Variants in SHTN1 observed in about 807,000 individuals in gnomAD.
SHTN1 encodes the protein shootin 1, also known as shootin-1.
In SHTN1, 42 loss-of-function variants were observed where a neutral mutation model predicts 83.1. The ratio of observed to expected loss-of-function variants is 0.51; its 90% confidence interval spans 0.39 to 0.65. SHTN1 has a LOEUF of 0.65. Ranked by LOEUF, SHTN1 falls within the 30% of genes least tolerant of loss-of-function variation. SHTN1 has a pLI of 0.00. For missense variants in SHTN1, 622 were observed against 737.8 expected (o/e 0.84, Z 1.82); for synonymous variants, 224 against 247.7 (o/e 0.90, Z 0.90).
intron 2 of SHTN1, among the ~76,000 whole-genome samples, chr10:117,011,435 A>G (rs1852101372): frequency 6.6e-6 from 1 of 152,144 alleles, no homozygotes; most frequent in South Asian, 2.1e-4. Flanking sequence ...GGGGCTCTCT[A>G]TTTTATTCTA....
chr10:116,952,036 A>G (rs1306039178), intron 5 of SHTN1, 30 bp from the exon 6 acceptor site: 3 of 1,144,026 alleles, frequency 2.6e-6, no homozygotes, highest in African/African-American at 1.6e-5. Context: ...AAATATATAA[A>G]TAAACTTATT....
At chr10:117,031,543 A>G (rs1263870639) in intron 2 of SHTN1, among the ~76,000 whole-genome samples, 4 of 152,162 alleles carry the variant, frequency 2.6e-5, no homozygotes, top group Admixed American at 6.6e-5. Context: ...AATAACTACA[A>G]ATTTTTAAGA....
intron 1 of SHTN1, among the ~76,000 whole-genome samples, chr10:116,990,354 CTTG>C (rs918887509): frequency 1.4e-5 from 2 of 147,550 alleles, no homozygotes; most frequent in African/African-American, 2.5e-5. Context: ...CTCCTTCCAC[CTTG>C]TTGTATGTTT....
chr10:117,117,126 T>G (rs965408753), intron 1 of SHTN1, among the ~76,000 whole-genome samples: 6 of 152,172 alleles, frequency 3.9e-5, no homozygotes, highest in Non-Finnish European at 7.4e-5. Context: ...TATCCTTGTT[T>G]GCAGGCAACA....
At position 116,930,007 on chromosome 10, in the gene SHTN1, A is replaced by AAG. The variant is rs1848897997; in HGVS notation, c.859-7_859-6dup. On this transcript the variant is annotated splice_region_variant and splice_polypyrimidine_tract_variant and intron_variant, in intron 9 of 16. Transcript: ENST00000355371. The stretch of plus-strand genomic sequence containing the variant: ...TTGCTCTTCTAATTCTTTGACCTAT[A>AAG]AGTTATTTAAAAAAAAAAGACTTTT... 6.6e-7 allele frequency: 1 copy of AAG among 1,522,308 alleles called. No homozygotes were observed. Among genetic ancestry groups the AAG allele is most frequent in the Non-Finnish European group, 8.8e-7 (1 of 1,137,480 alleles). The allele number at this position is 1,522,308 out of a possible 1,614,324, so 94.3% of individuals were successfully genotyped here. A position where few individuals can be genotyped will look rare whatever the true frequency, so the allele number is the denominator to read the frequency against.
At chr10:116,973,986 T>G in intron 2 of SHTN1, 1 of 1,193,336 alleles carries the variant, frequency 8.4e-7, no homozygotes, top group East Asian at 6.0e-5. Context: ...CTCTTATCCC[T>G]AAAGAATACA....
chr10:117,067,612 A>T (rs1467997150), intron 1 of SHTN1, among the ~76,000 whole-genome samples: 1 of 151,932 alleles, frequency 6.6e-6, no homozygotes, highest in Admixed American at 6.6e-5. Context: ...ATTTTTAAAT[A>T]AAAAAAAATT....
intron 1 of SHTN1, among the ~76,000 whole-genome samples, chr10:117,092,728 G>A (rs1040779343): frequency 2.6e-5 from 4 of 152,270 alleles, no homozygotes; most frequent in African/African-American, 9.6e-5. Flanking sequence ...GAGAAGCTTG[G>A]ACTTATTCAG....
At chr10:117,073,092 TG>T (rs1315315386) in intron 1 of SHTN1, among the ~76,000 whole-genome samples, 1 of 152,098 alleles carries the variant, frequency 6.6e-6, no homozygotes, top group Non-Finnish European at 1.5e-5. Context: ...GCAATAGAAT[TG>T]AACAAGTAAA....
At chr10:117,089,576 A>G (rs1464947224) in intron 1 of SHTN1, among the ~76,000 whole-genome samples, 1 of 152,184 alleles carries the variant, frequency 6.6e-6, no homozygotes, top group Non-Finnish European at 1.5e-5. Context: ...ACAGGCAACA[A>G]AAGTAAAAAT....
At chr10:116,972,852 G>A (rs1054490470) in intron 2 of SHTN1, among the ~76,000 whole-genome samples, 2 of 152,180 alleles carry the variant, frequency 1.3e-5, no homozygotes, top group African/African-American at 4.8e-5. Context: ...TCTCTATTTG[G>A]CTCTTTATGA....
rs116947821 is a variant in SHTN1 at position 116,910,720 on chromosome 10, A to C, written c.1359+1070T>G. Reference sequence around the variant, plus strand: ...CACAACAAAAGAGACTGTCATAGGGAGTTCTCCTTAATAGAACACTGAATA... The same window carrying C: ...CACAACAAAAGAGACTGTCATAGGGCGTTCTCCTTAATAGAACACTGAATA... On this transcript the variant is annotated intron_variant, in intron 14 of 16. Coordinates refer to ENST00000355371, the MANE Select transcript of SHTN1 (RefSeq NM_001127211.3). 7.4e-3 allele frequency among the ~76,000 whole-genome samples: 1,133 copies of C among 152,332 alleles called. 5 individuals carry two copies. The highest frequency in any genetic ancestry group is 0.044 in the Middle Eastern group (13 of 294).
At chr10:116,932,710 A>C (rs1159723960) in intron 9 of SHTN1, among the ~76,000 whole-genome samples, 2 of 152,242 alleles carry the variant, frequency 1.3e-5, no homozygotes, top group Non-Finnish European at 2.9e-5. Context: ...TTATCAGGAC[A>C]TAACCCTATC....
chr10:116,934,840 T>G (rs989731693), intron 9 of SHTN1, among the ~76,000 whole-genome samples: 26 of 152,188 alleles, frequency 1.7e-4, no homozygotes, highest in African/African-American at 6.3e-4. Context: ...CCTCTCTTAT[T>G]TCCTTGAGCA....
In SHTN1 at chr10:117,056,668, G is replaced by A. The variant is rs535377290; in HGVS notation, c.-188-8158C>T. ...CTACTAAAAATACAAAAGATTAGCC[G>A]GGCATGGTGGTACGTGCCTGTAGTC... is the stretch of plus-strand genomic sequence containing the variant. On this transcript the variant is annotated intron_variant, in intron 1 of 17. Coordinates refer to the SHTN1 transcript ENST00000392901. Among the ~76,000 whole-genome samples, 26 of 152,022 alleles carry A rather than the reference G, an allele frequency of 1.7e-4. 1 individual carries two copies. Among genetic ancestry groups the A allele is most frequent in the South Asian group, 8.3e-4 (4 of 4,800 alleles).
In SHTN1 at chr10:116,927,874, G is replaced by A; in HGVS notation, c.1030C>T (p.Arg344Ter). ...LKHSVDELQK[R>*]VNQSENSVPP... is the part of the protein sequence containing the mutation. ...ACTGAATTCTCAGACTGGTTCACTC[G>A]TTTCTGGAGTTCATCAACTGCACAG... The change falls in exon 11 of 17, where the codon CGA becomes TGA. Residue 344 changes from arginine to a stop codon, truncating the protein, a stop_gained. Transcript: ENST00000355371. LOFTEE classifies it high-confidence loss of function. 1 of 1,612,118 alleles carries A rather than the reference G, an allele frequency of 6.2e-7. No homozygotes were observed. Among genetic ancestry groups the A allele is most frequent in the Non-Finnish European group, 8.5e-7 (1 of 1,179,146 alleles).
At chr10:116,959,928 C>T (rs181266338) in intron 4 of SHTN1, among the ~76,000 whole-genome samples, 468 of 152,246 alleles carry the variant, frequency 3.1e-3, no homozygotes, top group African/African-American at 0.01. Context: ...TACAAATGCT[C>T]CTTTTACAAT....
At chr10:117,100,529 T>C (rs115023355) in intron 1 of SHTN1, among the ~76,000 whole-genome samples, 3,089 of 152,300 alleles carry the variant, frequency 0.02, 92 homozygotes, top group African/African-American at 0.07. Flanking sequence ...TTTTTTAATG[T>C]TTTTTTAAGT....
intron 9 of SHTN1, among the ~76,000 whole-genome samples, chr10:116,933,750 T>C (rs534197782): frequency 6.6e-6 from 1 of 152,346 alleles, no homozygotes; most frequent in South Asian, 2.1e-4. Flanking sequence ...CACACTGTCT[T>C]CCACAATGGT....
Sources: gnomAD v4.1 joint callset for allele counts (sites outside exome capture counted in the v4.1 genomes callset) on GRCh38, gnomAD v4.1.1 for gene constraint, MANE v1.5 for transcripts, NCBI Gene and HGNC (gene_info 2026-07-23, HGNC 2026-07-21) for gene names.